Variants in MEGF10 observed in about 807,000 individuals in gnomAD.
MEGF10 encodes the protein multiple epidermal growth factor-like domains protein 10.
A neutral mutation model predicts 147.5 loss-of-function variants in MEGF10; 86 were observed. The ratio of observed to expected loss-of-function variants is 0.58; its 90% CI spans 0.49 to 0.70. The LOEUF (loss-of-function observed/expected upper bound fraction) is 0.70. MEGF10 is among the 30% of genes least tolerant of loss of function. MEGF10 has a pLI of 0.00. For missense variants in MEGF10, 1,329 were observed against 1,487.3 expected (o/e 0.89, Z 1.75); for synonymous variants, 478 against 525.5 (o/e 0.91, Z 1.24).
the MEGF10 span, among the ~76,000 whole-genome samples, chr5:127,230,243 C>G: frequency 6.6e-6 from 1 of 152,030 alleles, no homozygotes; most frequent in Non-Finnish European, 1.5e-5. Flanking sequence ...TTTTGCTGTT[C>G]ACTTTTTCCC....
At chr5:127,282,080 A>T in the MEGF10 span, among the ~76,000 whole-genome samples, 2 of 152,182 alleles carry the variant, frequency 1.3e-5, no homozygotes, top group African/African-American at 4.8e-5. Flanking sequence ...CCCACTTCAC[A>T]GAAGTCTAAC....
intron 8 of MEGF10, among the ~76,000 whole-genome samples, chr5:127,406,595 G>A (rs1048829535): frequency 6.6e-6 from 1 of 152,204 alleles, no homozygotes; most frequent in African/African-American, 2.4e-5. Context: ...TTAGGGCAGA[G>A]GGCTGCTGGC....
intron 9 of MEGF10, among the ~76,000 whole-genome samples, chr5:127,416,979 A>G (rs1279661816): frequency 6.6e-6 from 1 of 152,244 alleles, no homozygotes; most frequent in Admixed American, 6.5e-5. Context: ...GACCATCTTT[A>G]AACAGTCTTC....
chr5:127,331,091 A>G (rs1036257951), intron 1 of MEGF10, among the ~76,000 whole-genome samples, 200 bp from the exon 2 acceptor site: 1 of 152,190 alleles, frequency 6.6e-6, no homozygotes, highest in Non-Finnish European at 1.5e-5. Flanking sequence ...AATTTACAAA[A>G]TAGTAGCCAC....
At chr5:127,450,113 G>A (rs755525081) in intron 22 of MEGF10, among the ~76,000 whole-genome samples, 15 of 152,154 alleles carry the variant, frequency 9.9e-5, no homozygotes, top group East Asian at 3.8e-4. Flanking sequence ...CTGCTTTTAC[G>A]TTCAGTTGGT....
At chr5:127,309,171 A>G (rs1470367183) in intron 1 of MEGF10, among the ~76,000 whole-genome samples, 1 of 152,250 alleles carries the variant, frequency 6.6e-6, no homozygotes. Context: ...TGTCTTAATC[A>G]TGCAGATGAG....
At chr5:127,434,865 GC>G in intron 15 of MEGF10, 44 bp downstream of exon 15, 1 of 1,585,262 alleles carries the variant, frequency 6.3e-7, no homozygotes. Context: ...TGATGAGCAC[GC>G]CCCGGAGAGT....
intron 1 of MEGF10, among the ~76,000 whole-genome samples, chr5:127,328,333 A>G (rs201344188): frequency 2.6e-5 from 4 of 152,232 alleles, no homozygotes; most frequent in Non-Finnish European, 5.9e-5. Context: ...GTATTGGGAC[A>G]AAGATACCAA....
At chr5:127,310,059 TTTC>T (rs1760222356) in intron 1 of MEGF10, among the ~76,000 whole-genome samples, 1 of 139,018 alleles carries the variant, frequency 7.2e-6, no homozygotes, top group Admixed American at 7.5e-5. Context: ...TCTTTCTTTC[TTTC>T]TTTCTCTCTT....
intron 8 of MEGF10, among the ~76,000 whole-genome samples, chr5:127,403,360 A>T (rs889515178): frequency 6.6e-6 from 1 of 152,098 alleles, no homozygotes; most frequent in Non-Finnish European, 1.5e-5. Flanking sequence ...ATGTTTTGAT[A>T]CAGGCTTGCA....
At chr5:127,333,244 G>A (rs1171078721) in intron 2 of MEGF10, among the ~76,000 whole-genome samples, 1 of 152,078 alleles carries the variant, frequency 6.6e-6, no homozygotes. Context: ...GGTTGGGTGC[G>A]GTGGCTCAAG....
intron 1 of MEGF10, among the ~76,000 whole-genome samples, chr5:127,309,753 G>C (rs1040206165): frequency 6.6e-6 from 1 of 151,866 alleles, no homozygotes; most frequent in South Asian, 2.1e-4. Flanking sequence ...GTGAACATTG[G>C]TGTACAAATA....
chr5:127,450,721 G>T (rs1056107937), intron 22 of MEGF10, among the ~76,000 whole-genome samples: 2 of 151,982 alleles, frequency 1.3e-5, no homozygotes, highest in African/African-American at 4.8e-5. Context: ...TGACCTTTGT[G>T]TATTTTCATT....
chr5:127,331,480 T>A (rs549852268), intron 2 of MEGF10, 56 bp downstream of exon 2: 2 of 924,596 alleles, frequency 2.2e-6, no homozygotes, highest in East Asian at 2.5e-5. Flanking sequence ...CCTTATATAC[T>A]GTAATTATCA....
intron 9 of MEGF10, among the ~76,000 whole-genome samples, chr5:127,411,011 TC>T (rs1335419825): frequency 3.3e-5 from 5 of 152,042 alleles, no homozygotes; most frequent in African/African-American, 1.2e-4. Flanking sequence ...CATCTTTTAT[TC>T]GACAGCACAT....
the MEGF10 span, among the ~76,000 whole-genome samples, chr5:127,278,640 G>A: frequency 6.6e-6 from 1 of 152,188 alleles, no homozygotes; most frequent in African/African-American, 2.4e-5. Context: ...GAGGAGGACA[G>A]CCTTAAATGA....
intron 4 of MEGF10, among the ~76,000 whole-genome samples, chr5:127,349,117 T>A (rs1761999537): frequency 6.6e-6 from 1 of 152,130 alleles, no homozygotes; most frequent in Non-Finnish European, 1.5e-5. Context: ...AGCTGACCTT[T>A]TATTCTACGG....
intron 1 of MEGF10, among the ~76,000 whole-genome samples, chr5:127,315,912 A>T (rs930162306): frequency 2.6e-5 from 4 of 152,234 alleles, no homozygotes; most frequent in Non-Finnish European, 5.9e-5. Flanking sequence ...GTTGAAGCAG[A>T]GCAGTCTTTC....
intron 1 of MEGF10, among the ~76,000 whole-genome samples, chr5:127,302,465 C>G (rs999927922): frequency 6.6e-6 from 1 of 151,986 alleles, no homozygotes; most frequent in Non-Finnish European, 1.5e-5. Context: ...TTTCCAGGGT[C>G]TGGGGGAAGG....
Sources: gnomAD v4.1 joint callset for allele counts (sites outside exome capture counted in the v4.1 genomes callset) on GRCh38, gnomAD v4.1.1 for gene constraint, MANE v1.5 for transcripts, NCBI Gene and HGNC (gene_info 2026-07-23, HGNC 2026-07-21) for gene names.